VRK3: variants seen among roughly 807,000 people sequenced by gnomAD.
VRK3 encodes the protein VRK serine/threonine kinase 3, also known as serine/threonine-protein kinase VRK3.
A neutral mutation model predicts 60.4 loss-of-function variants in VRK3; 50 were observed. The observed-to-expected ratio is 0.83, with a 90% CI of 0.66 to 1.05. The LOEUF (loss-of-function observed/expected upper bound fraction) is 1.05, where lower values mean the gene tolerates loss of function less well. VRK3 is among the 50% of genes least tolerant of loss of function. The probability of loss-of-function intolerance (pLI) is 0.00; values close to 1 mark genes in which losing one functional copy is unlikely to be tolerated. For missense variants in VRK3, 549 were observed against 585.3 expected (o/e 0.94, Z 0.64); for synonymous variants, 246 against 227.8 (o/e 1.08, Z -0.72).
intron 10 of VRK3, among the ~76,000 whole-genome samples, chr19:49,990,358 A>G (rs138594051): frequency 4.5e-4 from 69 of 152,396 alleles, no homozygotes; most frequent in African/African-American, 7.9e-4. Context: ...TGCCTGATAC[A>G]TAAAGTTAAC....
chr19:49,980,277 T>G (rs992947653), intron 13 of VRK3, among the ~76,000 whole-genome samples: 1 of 152,104 alleles, frequency 6.6e-6, no homozygotes, highest in African/African-American at 2.4e-5. Flanking sequence ...CTTTATAAGT[T>G]ACGGTGCGGA....
intron 10 of VRK3, among the ~76,000 whole-genome samples, chr19:49,991,165 G>A (rs2076604782): frequency 6.6e-6 from 1 of 152,128 alleles, no homozygotes; most frequent in African/African-American, 2.4e-5. Flanking sequence ...CCCTATTCTG[G>A]GAGTGTCTAT....
At chr19:49,989,034 G>A (rs6509451) in intron 11 of VRK3, among the ~76,000 whole-genome samples, 18,354 of 152,156 alleles carry the variant, frequency 0.12, 1,421 homozygotes, top group East Asian at 0.29. Flanking sequence ...GTAAGCACTC[G>A]ACAAGCACTA....
chr19:50,014,469 G>A (rs1032409745), intron 3 of VRK3, among the ~76,000 whole-genome samples: 1 of 152,160 alleles, frequency 6.6e-6, no homozygotes, highest in South Asian at 2.1e-4. Flanking sequence ...TGAGGCAGGA[G>A]AATTGCTTGA....
chr19:49,998,987 G>A (rs1268910573), intron 6 of VRK3: 1 of 146,140 alleles, frequency 6.8e-6, no homozygotes, highest in African/African-American at 2.5e-5. Flanking sequence ...GCTGGACGTG[G>A]TGGTGCATGC....
rs187153240 is a variant in VRK3 at position 49,987,424 on chromosome 19, C to T, written c.1217+948G>A. Among the ~76,000 whole-genome samples, 771 of 150,924 alleles carry T rather than the reference C, an allele frequency of 5.1e-3. 5 individuals carry two copies. Among genetic ancestry groups the T allele is most frequent in the African/African-American group, 0.017 (688 of 40,182 alleles). Reference sequence around the variant, plus strand: ...TGTCCCTAGTGCTGAACCCATACCCCTAGTGCTCCCTCTGTGTCCAGCTGC... The same window carrying T: ...TGTCCCTAGTGCTGAACCCATACCCTTAGTGCTCCCTCTGTGTCCAGCTGC... On this transcript the variant is annotated intron_variant, in intron 12 of 14. Coordinates refer to ENST00000316763, the MANE Select transcript of VRK3 (RefSeq NM_016440.4).
intron 6 of VRK3, chr19:50,000,451 C>A: frequency 2.8e-6 from 1 of 359,708 alleles, no homozygotes; most frequent in South Asian, 2.7e-5. Flanking sequence ...GAGCACGCTG[C>A]GAGGCCGGTG....
intron 10 of VRK3, among the ~76,000 whole-genome samples, chr19:49,991,360 T>C (rs1289214127): frequency 6.6e-6 from 1 of 152,188 alleles, no homozygotes; most frequent in Non-Finnish European, 1.5e-5. Flanking sequence ...GCCTTTGGAC[T>C]TGAACTGAAA....
At position 49,982,859 on chromosome 19, in the gene VRK3, C is replaced by G. The variant is rs183790706; in HGVS notation, c.1218-1846G>C. Among the ~76,000 whole-genome samples the G allele has an allele frequency of 3.1e-3, 474 of 152,302 alleles. 2 individuals carry two copies. Among genetic ancestry groups the G allele is most frequent in the Middle Eastern group, 0.024 (7 of 294 alleles). ...CACTGCCTTTGCTCCATCCTCCAGG[C>G]CCAGCCCCTCCACTTCTCTGCCTGG... On this transcript the variant is annotated intron_variant, in intron 12 of 14. Coordinates refer to ENST00000316763, the MANE Select transcript of VRK3 (RefSeq NM_016440.4).
At chr19:49,980,885 C>T (rs896430791) in intron 13 of VRK3, 70 bp downstream of exon 13, 1 of 1,455,484 alleles carries the variant, frequency 6.9e-7, no homozygotes, top group Non-Finnish European at 9.5e-7. Context: ...GGAGAAGCCA[C>T]CCCAAGATGG....
intron 10 of VRK3, among the ~76,000 whole-genome samples, chr19:49,991,368 AAAC>A (rs778703268): frequency 1.3e-5 from 2 of 152,182 alleles, no homozygotes; most frequent in Non-Finnish European, 2.9e-5. Flanking sequence ...ACTTGAACTG[AAAC>A]AACCCCTCTT....
At chr19:49,983,761 G>A (rs993724861) in intron 12 of VRK3, among the ~76,000 whole-genome samples, 5 of 152,220 alleles carry the variant, frequency 3.3e-5, no homozygotes, top group Admixed American at 1.3e-4. Flanking sequence ...CCAGTAAACC[G>A]TCCTAGCGCA....
intron 12 of VRK3, 45 bp from the exon 13 acceptor site, chr19:49,981,058 G>A (rs181048565): frequency 1.0e-5 from 16 of 1,575,792 alleles, no homozygotes; most frequent in Non-Finnish European, 1.3e-5. Context: ...AGGGAAAGGA[G>A]AGCAACCTTT....
At chr19:50,006,524 A>C (rs1252691934) in intron 5 of VRK3, among the ~76,000 whole-genome samples, 1 of 151,500 alleles carries the variant, frequency 6.6e-6, no homozygotes, top group East Asian at 2.0e-4. Context: ...TACAGGTGCC[A>C]GCCACCACAC....
chr19:49,982,164 A>G, intron 12 of VRK3: 1 of 703,052 alleles, frequency 1.4e-6, no homozygotes, highest in Non-Finnish European at 2.6e-6. Context: ...AGTCCAGCTT[A>G]CATTAAAATG....
rs544092368 is a variant in VRK3, at chr19:50,020,772, T to C, written c.-64-125A>G. Reference sequence around the variant, plus strand: ...TGCCAAATCCATTCGTTTATTCATTTACTCTATAACTATTCACCGAGTTTC... The same window carrying C: ...TGCCAAATCCATTCGTTTATTCATTCACTCTATAACTATTCACCGAGTTTC... On this transcript the variant is annotated intron_variant, in intron 1 of 14. Transcript: ENST00000316763. 2.0e-5 allele frequency: 3 copies of C among 152,380 alleles called. No individual in the cohort carries two copies. The East Asian group carries it at 5.8e-4, about 29-fold the overall frequency. The allele number at this position is 152,380 out of a possible 1,614,324, so 9.4% of individuals were successfully genotyped here. A position where few individuals can be genotyped will look rare whatever the true frequency, so the allele number is the denominator to read the frequency against.
At chr19:50,007,927 T>C in intron 4 of VRK3, 101 bp from the exon 5 acceptor site, 2 of 1,511,644 alleles carry the variant, frequency 1.3e-6, no homozygotes, top group South Asian at 2.5e-5. Flanking sequence ...TACAAATTCG[T>C]TCATTCAACA....
intron 12 of VRK3, chr19:49,981,586 T>C (rs1005729033): frequency 5.0e-6 from 3 of 597,344 alleles, no homozygotes; most frequent in East Asian, 1.4e-4. Flanking sequence ...GTTTTATGTA[T>C]GTTTCTGTTG....
Position 49,981,031 on chromosome 19 carries a change from CAT to C in VRK3, c.1218-20_1218-19del, listed in dbSNP as rs773075887. On this transcript the variant is annotated intron_variant, in intron 12 of 14. Transcript: ENST00000316763. ...CAACAAACCTGAAGGGACAGAAACA[CAT>C]GTGAAAGGTCTCTTAGGGAAAGGAG... The C allele has an allele frequency of 9.3e-6, 15 of 1,611,058 alleles. No individual in the cohort carries two copies. In the African/African-American group the frequency reaches 1.7e-4, roughly 19 times the overall value.
Sources: allele counts gnomAD v4.1 joint callset (sites outside exome capture counted in the v4.1 genomes callset), GRCh38; gene constraint gnomAD v4.1.1; transcripts MANE v1.5; gene names NCBI Gene and HGNC (gene_info 2026-07-23, HGNC 2026-07-21).